Variants in CCAR2 observed in about 807,000 individuals in gnomAD.
The protein encoded by CCAR2 is cell cycle and apoptosis regulator protein 2.
Under a neutral mutation model 108.1 loss-of-function variants are expected in CCAR2, and 21 were observed. The ratio of observed to expected loss-of-function variants is 0.19; its 90% confidence interval spans 0.14 to 0.28. The LOEUF is 0.28. Among genes scored for constraint, CCAR2 ranks in the 10% least tolerant of loss-of-function variants. CCAR2 has a pLI of 1.00. For synonymous variants in CCAR2, 577 were observed against 472.8 expected, an observed-to-expected ratio of 1.22 and a Z score of -2.86; for missense variants, 1,126 against 1,177.0, an observed-to-expected ratio of 0.96 and a Z score of 0.63.
rs1801625144 is a variant in CCAR2 at position 22,618,739 on chromosome 8, G to A, written c.2332+11G>A. On this transcript the variant is annotated intron_variant, in intron 18 of 20. Coordinates refer to ENST00000308511, the MANE Select transcript of CCAR2 (RefSeq NM_001393997.1). ...AGGAGGTGCTCTTCGGTATGTTCTG[G>A]GGCCCTGCAGCCTTCCTGGGGCACG... 1 of 1,613,640 alleles carries A rather than the reference G, an allele frequency of 6.2e-7. No homozygotes were observed. The highest frequency in any genetic ancestry group is 1.3e-5 in the African/African-American group (1 of 74,904).
chr8:22,609,272 C>T lies in CCAR2; in HGVS notation c.584+1207C>T, dbSNP rs117008899. On this transcript the variant is annotated intron_variant, in intron 7 of 20. Coordinates refer to ENST00000308511, the MANE Select transcript of CCAR2 (RefSeq NM_001393997.1). ...TGCGATGGCTTATGCCTATAAATCC[C>T]AGTGCTTTGGGAGCCTATCTCTACA... 5.3e-3 allele frequency among the ~76,000 whole-genome samples: 812 copies of T among 152,232 alleles called. 21 individuals are homozygous for T. The highest frequency in any genetic ancestry group is 0.034 in the East Asian group (174 of 5,182).
At chr8:22,613,330 G>C (rs78967979) in intron 8 of CCAR2, among the ~76,000 whole-genome samples, 194 bp downstream of exon 8, 3 of 146,130 alleles carry the variant, frequency 2.1e-5, no homozygotes, top group Non-Finnish European at 3.0e-5. Flanking sequence ...ATTTTATTTC[G>C]TATGAACATT....
Position 22,618,560 on chromosome 8 carries a change from C to T in CCAR2, c.2221-57C>T, listed in dbSNP as rs528021456. On this transcript the variant is annotated intron_variant, in intron 17 of 20. Coordinates refer to ENST00000308511, the MANE Select transcript of CCAR2 (RefSeq NM_001393997.1). ...TGCACTTACTCCTGCTCTAGGTTCCCGCCCATGGCCAGGGTCGGGGACGGG... is the reference window on the plus strand; with the variant it reads ...TGCACTTACTCCTGCTCTAGGTTCCTGCCCATGGCCAGGGTCGGGGACGGG... 1.2e-3 allele frequency: 1,941 copies of T among 1,613,980 alleles called. 3 individuals carry two copies. The highest frequency in any genetic ancestry group is 1.5e-3 in the Non-Finnish European group (1,771 of 1,179,898).
chr8:22,618,876 T>C lies in CCAR2; in HGVS notation c.2382T>C (p.Ala794=), dbSNP rs17855313. The change falls in exon 19 of 21, where the codon GCT becomes GCC. Residue 794 remains alanine (A), a synonymous_variant. Transcript: ENST00000308511. ...CTGGGAAAAGCACGAAGCCAGGTGCTGCCCCCACAGAACACAAAGCCTTGG... is the reference window on the plus strand; with the variant it reads ...CTGGGAAAAGCACGAAGCCAGGTGCCGCCCCCACAGAACACAAAGCCTTGG... ...PPPGKSTKPG[A]APTEHKALVS... The C allele has an allele frequency of 1.6e-3, 2,539 of 1,614,036 alleles. 36 individuals carry two copies. In the African/African-American group the frequency reaches 0.03, roughly 19 times the overall value.
rs1286594610 is a variant in CCAR2, at chr8:22,608,003, C to G, written c.522C>G (p.His174Gln). 6 of 1,614,070 alleles carry G rather than the reference C, an allele frequency of 3.7e-6. No individual in the cohort carries two copies. The Admixed American group carries it at 8.3e-5, about 22-fold the overall frequency. The change falls in exon 7 of 21, where the codon CAC (histidine) becomes CAG (glutamine). Residue 174 changes from histidine to glutamine, a missense_variant. Around this residue, in one of 4 missense-constraint regions of CCAR2, gnomAD observed 1,013 missense variants for 993.9 expected, o/e 1.02. Coordinates refer to ENST00000308511, the MANE Select transcript of CCAR2 (RefSeq NM_001393997.1). The part of the protein sequence containing the change: ...LSLFQTSHTL[H>Q]LSHLNRFPAR... ...TCTTCCAAACATCCCACACACTTCA[C>G]CTGAGCCACCTGAACAGATTTCCTG... is the stretch of plus-strand genomic sequence containing the variant.
intron 7 of CCAR2, chr8:22,612,660 T>C (rs1252718616): frequency 6.1e-6 from 1 of 164,886 alleles, no homozygotes; most frequent in Non-Finnish European, 1.3e-5. Flanking sequence ...AAAAATCACG[T>C]TAACTATAAT....
Position 22,615,556 on chromosome 8 carries a change from A to T in CCAR2, c.1337A>T (p.Lys446Ile), listed in dbSNP as rs1435509112. ...LEEWEALCQQKAAEAAPPTQE... is the reference protein window; with the variant it reads ...LEEWEALCQQIAAEAAPPTQE... ...GAGTGGGAGGCCCTGTGCCAGCAGA[A>T]AGCTGCAGAGGCAGCTCCCCCAACC... Residue 446 changes from lysine to isoleucine, a missense_variant, in exon 12 of 21, where the codon AAA (lysine) becomes ATA (isoleucine). This residue lies in a region of CCAR2 where 1,013 missense variants were observed against 993.9 expected (regional missense o/e 1.02). Coordinates refer to ENST00000308511, the MANE Select transcript of CCAR2 (RefSeq NM_001393997.1). The T allele has an allele frequency of 4.3e-6, 7 of 1,613,960 alleles. No individual in the cohort carries two copies. Among genetic ancestry groups the T allele is most frequent in the Non-Finnish European group, 5.9e-6 (7 of 1,180,020 alleles).
In CCAR2 at chr8:22,619,862, T is replaced by C. The variant is rs201930340; in HGVS notation, c.*180T>C. ...AGGCTGGGGGCTGTGCTATGTGGGA[T>C]GGATGTGTGAGGAACCCCGGTTCCA... On this transcript the variant is annotated 3_prime_UTR_variant, in exon 21 of 21. Coordinates refer to ENST00000308511, the MANE Select transcript of CCAR2 (RefSeq NM_001393997.1). 2.1e-5 allele frequency: 13 copies of C among 632,698 alleles called. No homozygotes were observed. Among genetic ancestry groups the C allele is most frequent in the Non-Finnish European group, 3.6e-5 (13 of 361,136 alleles). 39.2% of individuals were successfully genotyped at this position (632,698 alleles called of 1,614,324 possible).
downstream of CCAR2, chr8:22,621,335 G>A (rs965116144): frequency 1.6e-5 from 24 of 1,491,060 alleles, 1 homozygote; most frequent in South Asian, 2.0e-4. Flanking sequence ...TCTGTCCCCA[G>A]CCTGTGAGAG....
rs752783076 is a variant in CCAR2 at position 22,615,579 on chromosome 8, A to G, written c.1360A>G (p.Thr454Ala). Residue 454 changes from threonine to alanine, a missense_variant, in exon 12 of 21, where the codon ACC becomes GCC. Physicochemically the swap from Thr to Ala is moderately conservative, Grantham distance 58. Around this residue, in one of 4 missense-constraint regions of CCAR2, gnomAD observed 1,013 missense variants for 993.9 expected, o/e 1.02. Coordinates refer to ENST00000308511, the MANE Select transcript of CCAR2 (RefSeq NM_001393997.1). ...GAAAGCTGCAGAGGCAGCTCCCCCA[A>G]CCCAGGAGGCACAAGGGGTAAGGCT... The part of the protein sequence containing the change: ...QQKAAEAAPP[T>A]QEAQGETEPT... The G allele has an allele frequency of 3.7e-6, 6 of 1,613,768 alleles. No homozygotes were observed. Among genetic ancestry groups the G allele is most frequent in the Non-Finnish European group, 3.4e-6 (4 of 1,180,022 alleles).
chr8:22,616,412 G>C (rs1341503908), intron 14 of CCAR2, 164 bp downstream of exon 14: 2 of 660,918 alleles, frequency 3.0e-6, no homozygotes. Flanking sequence ...TAGTGCAAGG[G>C]AAGGTGGCGC....
intron 6 of CCAR2, 142 bp downstream of exon 6, chr8:22,607,467 G>GTT (rs34256757): frequency 0.023 from 9,241 of 400,708 alleles, 10 homozygotes; most frequent in South Asian, 0.039. Flanking sequence ...GGTGTTTAGG[G>GTT]TTTTTTTTTT....
Position 22,617,263 on chromosome 8 carries a change from CACTTAATGAAATT to C in CCAR2, c.1846-155_1846-143del. ...CGATGCCCTGGCATGCTCTGAATCC[CACTTAATGAAATT>C]AAATACATGAAATGAGACGGTATCT... On this transcript the variant is annotated intron_variant, in intron 14 of 20. Coordinates refer to ENST00000308511, the MANE Select transcript of CCAR2 (RefSeq NM_001393997.1). The C allele has an allele frequency of 5.8e-6, 5 of 856,578 alleles. No homozygotes were observed. The South Asian group carries it at 1.7e-4, about 28-fold the overall frequency. The allele number at this position is 856,578 out of a possible 1,614,324, so 53.1% of individuals were successfully genotyped here.
At chr8:22,616,427 T>A in intron 14 of CCAR2, 179 bp downstream of exon 14, 1 of 627,936 alleles carries the variant, frequency 1.6e-6, no homozygotes, top group Middle Eastern at 4.3e-4. Context: ...TGGCGCAGAG[T>A]GCAGGGAGCA....
rs2117452356 is a variant in CCAR2 at position 22,615,672 on chromosome 8, G to A, written c.1378-10G>A. On this transcript the variant is annotated splice_polypyrimidine_tract_variant and intron_variant, in intron 12 of 20. Coordinates refer to ENST00000308511, the MANE Select transcript of CCAR2 (RefSeq NM_001393997.1). ...GGACCCAGAGGGTCTCATTTCAGCT[G>A]TTGTCACAGGAAACGGAGCCTACTG... 1 of 1,613,804 alleles carries A rather than the reference G, an allele frequency of 6.2e-7. No individual in the cohort carries two copies. The highest frequency in any genetic ancestry group is 1.1e-5 in the South Asian group (1 of 91,086).
At chr8:22,616,314 C>T in intron 14 of CCAR2, 66 bp downstream of exon 14, 1 of 1,468,204 alleles carries the variant, frequency 6.8e-7, no homozygotes, top group South Asian at 1.2e-5. Flanking sequence ...ACCCCGGGCT[C>T]TGTTCCGAGC....
Position 22,606,918 on chromosome 8 carries a change from A to C in CCAR2, c.251A>C (p.Lys84Thr). Residue 84 changes from lysine (K) to threonine (T), a missense_variant, in exon 5 of 21, where the codon AAG becomes ACG. This residue lies in a region of CCAR2 where 17 missense variants were observed against 56.1 expected (regional missense o/e 0.30). Coordinates refer to ENST00000308511, the MANE Select transcript of CCAR2 (RefSeq NM_001393997.1). The stretch of plus-strand genomic sequence containing the variant: ...GGCTTGTGTGCTGACAGTGTGGTGA[A>C]GGGCCGTCTGCCCCAGCTGGGTGAG... ...EEVFFQLSVVKGRLPQLGEKV... is the reference protein window; with the variant it reads ...EEVFFQLSVVTGRLPQLGEKV... The C allele has an allele frequency of 1.9e-6, 3 of 1,614,032 alleles. No homozygotes were observed. Among genetic ancestry groups the C allele is most frequent in the Non-Finnish European group, 2.5e-6 (3 of 1,180,016 alleles).
chr8:22,606,098 A>T lies in CCAR2; in HGVS notation c.72A>T (p.Thr24=), dbSNP rs1293886661. ...CTTTCCCCATAGGCACAGCTTCAACATCTCTTCTGGGCCCTCCTCCTGGTT... is the reference window on the plus strand; with the variant it reads ...CTTTCCCCATAGGCACAGCTTCAACTTCTCTTCTGGGCCCTCCTCCTGGTT... The part of the protein sequence containing the change: ...GGRNFSGTAS[T]SLLGPPPGLL... The change falls in exon 3 of 21, where the codon ACA becomes ACT. Residue 24 remains threonine (T), a synonymous_variant. Transcript: ENST00000308511. The T allele has an allele frequency of 3.1e-6, 5 of 1,613,982 alleles. No homozygotes were observed. Among genetic ancestry groups the T allele is most frequent in the Non-Finnish European group, 4.2e-6 (5 of 1,179,900 alleles).
chr8:22,613,749 T>C (rs1276686010), intron 8 of CCAR2: 1 of 252,154 alleles, frequency 4.0e-6, no homozygotes, highest in East Asian at 9.3e-5. Flanking sequence ...TCCTGGCCTC[T>C]AATTCTTATG....
Sources: allele counts gnomAD v4.1 joint callset (sites outside exome capture counted in the v4.1 genomes callset), GRCh38; gene constraint gnomAD v4.1.1; regional missense constraint gnomAD v4.1.1; transcripts MANE v1.5; gene names NCBI Gene and HGNC (gene_info 2026-07-23, HGNC 2026-07-21).